PALS1: variants seen among roughly 807,000 people sequenced by gnomAD.
PALS1 encodes protein associated with LIN7 1, MAGUK p55 family member, also known as protein PALS1.
PALS1 carries 31 observed loss-of-function variants against 78.9 expected under a neutral mutation model. The observed-to-expected ratio is 0.39, with a 90% CI of 0.30 to 0.53. PALS1 has a LOEUF of 0.53. Among genes scored for constraint, PALS1 ranks in the 20% least tolerant of loss-of-function variants. The pLI, the probability that PALS1 is intolerant of heterozygous loss-of-function variation, is 0.67. For missense variants in PALS1, 704 were observed against 826.5 expected (o/e 0.85, Z 1.82); for synonymous variants, 276 against 270.9 (o/e 1.02, Z -0.18).
At chr14:67,329,593 A>G (rs943099168) in intron 14 of PALS1, among the ~76,000 whole-genome samples, 1 of 152,178 alleles carries the variant, frequency 6.6e-6, no homozygotes, top group Admixed American at 6.5e-5. Context: ...TTGTCCATTC[A>G]GTATGATATT....
chr14:67,266,536 G>A (rs2084327215), intron 1 of PALS1, among the ~76,000 whole-genome samples: 1 of 151,996 alleles, frequency 6.6e-6, no homozygotes, highest in African/African-American at 2.4e-5. Flanking sequence ...ATGTTGGCCA[G>A]GCTGGTCTCA....
intron 2 of PALS1, among the ~76,000 whole-genome samples, chr14:67,278,111 A>G (rs1475970824): frequency 6.7e-6 from 1 of 149,832 alleles, no homozygotes; most frequent in Non-Finnish European, 1.5e-5. Flanking sequence ...ATCTCAGCTC[A>G]CTGCGGCCTC....
rs1194861564 is a variant in PALS1 at position 67,255,900 on chromosome 14, T to C, written c.-236-13801T>C. On this transcript the variant is annotated intron_variant, in intron 1 of 14. Coordinates refer to ENST00000261681, the MANE Select transcript of PALS1 (RefSeq NM_022474.4). The stretch of plus-strand genomic sequence containing the variant: ...CGGGGTTTCACCATGTTGGCCAGGC[T>C]GGTCTGGAACTCCTGACCTCAAGTG... 3.3e-5 allele frequency among the ~76,000 whole-genome samples: 5 copies of C among 152,354 alleles called. No individual in the cohort carries two copies. The East Asian group carries it at 7.7e-4, about 23-fold the overall frequency.
intron 1 of PALS1, among the ~76,000 whole-genome samples, chr14:67,267,354 G>C (rs1373909515): frequency 6.6e-6 from 1 of 151,966 alleles, no homozygotes; most frequent in Non-Finnish European, 1.5e-5. Flanking sequence ...TGCCTCCCAG[G>C]TTCAAGTGAT....
chr14:67,276,532 T>C (rs1029043591), intron 2 of PALS1, among the ~76,000 whole-genome samples: 1 of 152,192 alleles, frequency 6.6e-6, no homozygotes, highest in Non-Finnish European at 1.5e-5. Context: ...TGAACAGATA[T>C]TTATTGGACA....
At chr14:67,318,342 T>A (rs1347430702) in intron 11 of PALS1, among the ~76,000 whole-genome samples, 1 of 152,214 alleles carries the variant, frequency 6.6e-6, no homozygotes, top group Non-Finnish European at 1.5e-5. Context: ...AAAATAAATA[T>A]CCTTTAATGC....
At chr14:67,244,452 G>T (rs1313148307) in intron 1 of PALS1, among the ~76,000 whole-genome samples, 1 of 152,222 alleles carries the variant, frequency 6.6e-6, no homozygotes, top group African/African-American at 2.4e-5. Context: ...TGGTGGATGA[G>T]AAATGATATA....
chr14:67,265,041 T>G (rs1419809775), intron 1 of PALS1, among the ~76,000 whole-genome samples: 2 of 152,228 alleles, frequency 1.3e-5, no homozygotes, highest in Non-Finnish European at 2.9e-5. Flanking sequence ...ACTTTGAAGA[T>G]TTTTTAAATT....
chr14:67,304,313 GAA>G (rs1467924210), intron 8 of PALS1, among the ~76,000 whole-genome samples: 1 of 152,146 alleles, frequency 6.6e-6, no homozygotes, highest in African/African-American at 2.4e-5. Flanking sequence ...CAAAAGGACT[GAA>G]AACATATATT....
At chr14:67,281,714 T>G (rs1238288764) in intron 3 of PALS1, among the ~76,000 whole-genome samples, 1 of 152,218 alleles carries the variant, frequency 6.6e-6, no homozygotes, top group Non-Finnish European at 1.5e-5. Flanking sequence ...GAAACAAATA[T>G]AGCTTCAGCC....
Position 67,273,111 on chromosome 14 carries a change from TTC to T in PALS1, c.-154+3330_-154+3331del, listed in dbSNP as rs1182104280. Among the ~76,000 whole-genome samples, 11 of 135,690 alleles carry T rather than the reference TTC, an allele frequency of 8.1e-5. No individual in the cohort carries two copies. In the East Asian group the frequency reaches 2.6e-3, roughly 32 times the overall value. The allele number at this position is 135,690 out of a possible 152,430, so 89.0% of individuals were successfully genotyped here. On this transcript the variant is annotated intron_variant, in intron 2 of 14. Transcript: ENST00000261681. ...CTCTATGCTTCAGTAGGAGTGATAT[TTC>T]TTTCTTTTTTTTTTTTTTTATACTT...
At chr14:67,318,628 C>G (rs865880849) in intron 11 of PALS1, among the ~76,000 whole-genome samples, 1 of 151,440 alleles carries the variant, frequency 6.6e-6, no homozygotes, top group Non-Finnish European at 1.5e-5. Context: ...ATTACATTTG[C>G]TGTTTATGAT....
chr14:67,272,425 C>T (rs2084423235), intron 2 of PALS1, among the ~76,000 whole-genome samples: 1 of 152,144 alleles, frequency 6.6e-6, no homozygotes, highest in Non-Finnish European at 1.5e-5. Flanking sequence ...GGATCTACTT[C>T]TGGAGTTGTA....
At chr14:67,284,743 C>T (rs2084659526) in intron 3 of PALS1, among the ~76,000 whole-genome samples, 1 of 151,814 alleles carries the variant, frequency 6.6e-6, no homozygotes, top group African/African-American at 2.4e-5. Context: ...AATTACATAA[C>T]ATAGGCTCTT....
At chr14:67,284,198 C>G (rs1396999286) in intron 3 of PALS1, among the ~76,000 whole-genome samples, 1 of 151,972 alleles carries the variant, frequency 6.6e-6, no homozygotes, top group East Asian at 1.9e-4. Context: ...GGATCTTAAC[C>G]ACTAATTTCT....
At chr14:67,286,667 G>A (rs2084692860) in intron 3 of PALS1, among the ~76,000 whole-genome samples, 1 of 151,030 alleles carries the variant, frequency 6.6e-6, no homozygotes. Context: ...ATCAGCCTGG[G>A]CAACCTGGTG....
chr14:67,317,004 AAG>A, intron 10 of PALS1, 101 bp downstream of exon 10: 2 of 894,948 alleles, frequency 2.2e-6, no homozygotes, highest in South Asian at 1.7e-5. Context: ...TACTCAGGGA[AAG>A]AGTGATACAA....
intron 7 of PALS1, among the ~76,000 whole-genome samples, 198 bp from the exon 8 acceptor site, chr14:67,303,324 T>C (rs1415064909): frequency 4.6e-5 from 7 of 152,236 alleles, no homozygotes; most frequent in African/African-American, 9.6e-5. Context: ...ACTGATTCTG[T>C]TGTAAAATCT....
intron 14 of PALS1, among the ~76,000 whole-genome samples, chr14:67,324,887 C>G (rs921929861): frequency 6.8e-6 from 1 of 148,124 alleles, no homozygotes; most frequent in Non-Finnish European, 1.5e-5. Context: ...CCACGCCCAG[C>G]CTTCCTTTCA....
Sources: gnomAD v4.1 joint callset for allele counts (sites outside exome capture counted in the v4.1 genomes callset) on GRCh38, gnomAD v4.1.1 for gene constraint, MANE v1.5 for transcripts, NCBI Gene and HGNC (gene_info 2026-07-23, HGNC 2026-07-21) for gene names.